The following GALNT13 variants were observed in gnomAD, a reference collection of about 807,000 sequenced individuals.
GALNT13 encodes the protein polypeptide N-acetylgalactosaminyltransferase 13.
A neutral mutation model predicts 64.2 loss-of-function variants in GALNT13; 28 were observed. The observed-to-expected ratio is 0.44, with a 90% CI of 0.32 to 0.60. The LOEUF is 0.60. Ranked by LOEUF, GALNT13 falls within the 20% of genes least tolerant of loss-of-function variation. The pLI, the probability that GALNT13 is intolerant of heterozygous loss-of-function variation, is 0.05. For synonymous variants in GALNT13, 214 were observed against 224.6 expected (o/e 0.95, Z 0.42); for missense variants, 577 against 669.8 (o/e 0.86, Z 1.53).
At chr2:154,138,967 A>T (rs952184612) in intron 3 of GALNT13, among the ~76,000 whole-genome samples, 1 of 152,048 alleles carries the variant, frequency 6.6e-6, no homozygotes, top group Non-Finnish European at 1.5e-5. Flanking sequence ...CTTTATTTTG[A>T]TGACAACTTT....
chr2:153,121,203 C>T, the GALNT13 span, among the ~76,000 whole-genome samples: 1 of 152,174 alleles, frequency 6.6e-6, no homozygotes, highest in Non-Finnish European at 1.5e-5. Flanking sequence ...CCAAATCCCC[C>T]TGACATTTGT....
intron 3 of GALNT13, among the ~76,000 whole-genome samples, chr2:154,054,097 TC>T (rs1481186559): frequency 6.6e-6 from 1 of 152,134 alleles, no homozygotes; most frequent in Non-Finnish European, 1.5e-5. Flanking sequence ...AAAACATTAT[TC>T]TTGCACAGAG....
the GALNT13 span, among the ~76,000 whole-genome samples, chr2:153,711,141 A>G: frequency 1.5e-3 from 234 of 152,270 alleles, no homozygotes; most frequent in African/African-American, 5.5e-3. Flanking sequence ...TTCAGTTACT[A>G]CTAAAGCCAA....
chr2:153,969,947 A>C (rs951390587), intron 3 of GALNT13, among the ~76,000 whole-genome samples: 1 of 152,180 alleles, frequency 6.6e-6, no homozygotes, highest in Non-Finnish European at 1.5e-5. Context: ...GTTCTTAAGG[A>C]AACTGGCACT....
the GALNT13 span, among the ~76,000 whole-genome samples, chr2:153,399,837 G>A: frequency 2.0e-5 from 3 of 151,724 alleles, no homozygotes; most frequent in African/African-American, 7.3e-5. Context: ...GAGACAATGG[G>A]GTTTTCTAGA....
the GALNT13 span, among the ~76,000 whole-genome samples, chr2:153,416,294 CA>C: frequency 2.6e-5 from 4 of 152,172 alleles, no homozygotes; most frequent in African/African-American, 9.7e-5. Flanking sequence ...AGGTCTCTTC[CA>C]GACACACTGG....
chr2:153,887,585 A>G (rs1687270090), intron 1 of GALNT13, among the ~76,000 whole-genome samples: 1 of 151,932 alleles, frequency 6.6e-6, no homozygotes, highest in African/African-American at 2.4e-5. Context: ...GATAAATATT[A>G]TGATATTATA....
chr2:153,171,847 A>C, the GALNT13 span: 1 of 152,358 alleles, frequency 6.6e-6, no homozygotes, highest in Non-Finnish European at 1.5e-5. Flanking sequence ...ATTATAGCTG[A>C]AACTATTTCA....
chr2:154,131,069 T>C (rs886727921), intron 3 of GALNT13, among the ~76,000 whole-genome samples: 6 of 152,290 alleles, frequency 3.9e-5, no homozygotes, highest in Admixed American at 6.5e-5. Context: ...ACTGGAGCCA[T>C]TGCAAGATAA....
At chr2:153,265,070 G>C in the GALNT13 span, among the ~76,000 whole-genome samples, 3 of 152,184 alleles carry the variant, frequency 2.0e-5, no homozygotes, top group African/African-American at 4.8e-5. Context: ...ATTTTTTACT[G>C]TCCCTTCTCT....
chr2:154,340,282 A>T (rs1317832165), intron 9 of GALNT13, among the ~76,000 whole-genome samples: 1 of 152,062 alleles, frequency 6.6e-6, no homozygotes, highest in Admixed American at 6.6e-5. Context: ...TAGAGACAAG[A>T]TCTCACTATG....
intron 9 of GALNT13, among the ~76,000 whole-genome samples, chr2:154,310,631 C>T (rs1457912855): frequency 6.6e-6 from 1 of 151,972 alleles, no homozygotes; most frequent in Non-Finnish European, 1.5e-5. Flanking sequence ...TTTCAGTTGT[C>T]CCTTACTACA....
At chr2:154,304,364 CT>C (rs1303972337) in intron 9 of GALNT13, among the ~76,000 whole-genome samples, 1 of 152,064 alleles carries the variant, frequency 6.6e-6, no homozygotes, top group African/African-American at 2.4e-5. Context: ...TTTTCATTTT[CT>C]TTTGATGATA....
chr2:153,226,149 G>A, the GALNT13 span, among the ~76,000 whole-genome samples: 3 of 151,950 alleles, frequency 2.0e-5, no homozygotes, highest in Admixed American at 2.0e-4. Context: ...GGCCAGGCTG[G>A]TCTCGAACTC....
chr2:154,411,851 T>C (rs1699811030), intron 11 of GALNT13, among the ~76,000 whole-genome samples: 1 of 151,740 alleles, frequency 6.6e-6, no homozygotes. Context: ...ATTAATTGGG[T>C]AACTTATGGC....
chr2:153,186,585 T>G, the GALNT13 span, among the ~76,000 whole-genome samples: 4 of 151,894 alleles, frequency 2.6e-5, no homozygotes, highest in Non-Finnish European at 5.9e-5. Flanking sequence ...TTTTTTTTTT[T>G]GAGATGGAAT....
chr2:153,929,267 C>A (rs1361347594), intron 2 of GALNT13, among the ~76,000 whole-genome samples: 1 of 152,184 alleles, frequency 6.6e-6, no homozygotes, highest in Non-Finnish European at 1.5e-5. Context: ...ACTGGCATCA[C>A]CCCAGGTTGT....
chr2:154,266,788 T>C (rs1691028387), intron 8 of GALNT13, among the ~76,000 whole-genome samples: 1 of 151,774 alleles, frequency 6.6e-6, no homozygotes, highest in South Asian at 2.1e-4. Flanking sequence ...TTTACTTAAC[T>C]ATTGCATTGA....
the GALNT13 span, among the ~76,000 whole-genome samples, chr2:153,229,055 A>C: frequency 6.6e-6 from 1 of 152,048 alleles, no homozygotes; most frequent in African/African-American, 2.4e-5. Flanking sequence ...TGTGAATGAG[A>C]TAATTCTACA....
Sources: gnomAD v4.1 joint callset for allele counts (sites outside exome capture counted in the v4.1 genomes callset) on GRCh38, gnomAD v4.1.1 for gene constraint, MANE v1.5 for transcripts, NCBI Gene and HGNC (gene_info 2026-07-23, HGNC 2026-07-21) for gene names.